Variants in FABP7 observed in about 807,000 individuals in gnomAD.
FABP7 encodes the protein fatty acid binding protein 7, also known as fatty acid-binding protein, brain.
Under a neutral mutation model 14.2 loss-of-function variants are expected in FABP7, and 13 were observed. The observed-to-expected ratio is 0.91, with a 90% CI of 0.59 to 1.45. FABP7 has a LOEUF of 1.45. Among genes scored for constraint, FABP7 ranks in the 40% most tolerant of loss-of-function variants. The pLI is 0.00. For synonymous variants in FABP7, 49 were observed against 51.4 expected, an observed-to-expected ratio of 0.95 and a Z score of 0.20; for missense variants, 149 against 157.6, an observed-to-expected ratio of 0.95 and a Z score of 0.29.
chr6:122,763,765 A>G, the FABP7 span, among the ~76,000 whole-genome samples: 1 of 152,242 alleles, frequency 6.6e-6, no homozygotes, highest in South Asian at 2.1e-4. Context: ...GAAGACATTT[A>G]TGCAGCCAAC....
chr6:122,753,476 G>T, the FABP7 span, among the ~76,000 whole-genome samples: 56,974 of 151,736 alleles, frequency 0.38, 11,019 homozygotes, highest in Non-Finnish European at 0.43. Context: ...CTTGGAGTCT[G>T]CCTCCTCCCC....
intron 3 of FABP7, 191 bp downstream of exon 3, chr6:122,781,385 T>C (rs1780780507): frequency 2.1e-6 from 3 of 1,442,888 alleles, no homozygotes; most frequent in Non-Finnish European, 2.8e-6. Flanking sequence ...AATTTTCTTC[T>C]TCAGCTCAAC....
intron 3 of FABP7, chr6:122,782,331 A>G (rs7752838): frequency 0.59 from 321,874 of 543,076 alleles, 96,304 homozygotes; most frequent in East Asian, 0.66. Flanking sequence ...TAGTGTTGCC[A>G]TCCTTCTGCG....
At chr6:122,776,551 T>C (rs1041920979), upstream of FABP7, among the ~76,000 whole-genome samples, 2 of 152,128 alleles carry the variant, frequency 1.3e-5, no homozygotes, top group Admixed American at 6.6e-5. Flanking sequence ...GAGGGAATGG[T>C]TAATGGGTAG....
At chr6:122,755,746 C>G in the FABP7 span, among the ~76,000 whole-genome samples, 1 of 152,024 alleles carries the variant, frequency 6.6e-6, no homozygotes, top group Non-Finnish European at 1.5e-5. Context: ...CATGAGCCAC[C>G]GCGCGTGGCC....
At chr6:122,764,372 A>T in the FABP7 span, among the ~76,000 whole-genome samples, 1 of 151,516 alleles carries the variant, frequency 6.6e-6, no homozygotes, top group African/African-American at 2.4e-5. Context: ...GGAACATCAC[A>T]CACCAGGGCC....
chr6:122,751,372 A>G, the FABP7 span, among the ~76,000 whole-genome samples: 3 of 152,134 alleles, frequency 2.0e-5, no homozygotes, highest in Non-Finnish European at 4.4e-5. Context: ...TGTTGTCCCT[A>G]TATTGCAGGT....
At chr6:122,760,065 C>A in the FABP7 span, among the ~76,000 whole-genome samples, 5 of 151,234 alleles carry the variant, frequency 3.3e-5, no homozygotes, top group African/African-American at 1.2e-4. Context: ...GTTGCCACTG[C>A]ACTCCAGTCT....
chr6:122,774,684 G>C, the FABP7 span, among the ~76,000 whole-genome samples: 1 of 151,644 alleles, frequency 6.6e-6, no homozygotes, highest in Non-Finnish European at 1.5e-5. Context: ...AAGAAATAAA[G>C]GGCATCCACA....
chr6:122,752,121 G>C, the FABP7 span, among the ~76,000 whole-genome samples: 2 of 148,390 alleles, frequency 1.3e-5, no homozygotes, highest in African/African-American at 5.0e-5. Flanking sequence ...ACCTCCCCTA[G>C]CAACTTTTCT....
chr6:122,775,088 G>T (rs1327633094), upstream of FABP7, among the ~76,000 whole-genome samples: 2 of 151,930 alleles, frequency 1.3e-5, no homozygotes, highest in East Asian at 1.9e-4. Flanking sequence ...TACCCAAAAT[G>T]ATCTACAGAT....
chr6:122,758,996 A>C, the FABP7 span, among the ~76,000 whole-genome samples: 7 of 152,220 alleles, frequency 4.6e-5, no homozygotes, highest in Non-Finnish European at 8.8e-5. Flanking sequence ...AGAGTTACTT[A>C]AAGAAACAAG....
At chr6:122,773,507 T>C in the FABP7 span, among the ~76,000 whole-genome samples, 1 of 152,214 alleles carries the variant, frequency 6.6e-6, no homozygotes, top group African/African-American at 2.4e-5. Flanking sequence ...TCTGACACCT[T>C]GCCCAGCATT....
At chr6:122,772,805 C>T in the FABP7 span, among the ~76,000 whole-genome samples, 1 of 152,176 alleles carries the variant, frequency 6.6e-6, no homozygotes. Context: ...TACCCCCACA[C>T]CTCTTCACAC....
At chr6:122,767,897 T>C in the FABP7 span, among the ~76,000 whole-genome samples, 2 of 151,916 alleles carry the variant, frequency 1.3e-5, no homozygotes, top group African/African-American at 4.8e-5. Context: ...ATTAATAAAT[T>C]TGGCAATATT....
At chr6:122,752,811 C>G in the FABP7 span, among the ~76,000 whole-genome samples, 1 of 152,140 alleles carries the variant, frequency 6.6e-6, no homozygotes, top group Non-Finnish European at 1.5e-5. Flanking sequence ...CATCTCTACC[C>G]CCTCTACATT....
At chr6:122,758,499 T>C in the FABP7 span, among the ~76,000 whole-genome samples, 42 of 152,236 alleles carry the variant, frequency 2.8e-4, no homozygotes, top group African/African-American at 8.7e-4. Flanking sequence ...ATAGGTGTTC[T>C]ATTCCTAGTG....
At chr6:122,758,469 A>G in the FABP7 span, among the ~76,000 whole-genome samples, 1 of 152,222 alleles carries the variant, frequency 6.6e-6, no homozygotes, top group Non-Finnish European at 1.5e-5. Flanking sequence ...GTACAGTCTA[A>G]CAACAAAAGA....
the FABP7 span, among the ~76,000 whole-genome samples, chr6:122,755,498 G>T: frequency 5.8e-5 from 8 of 137,760 alleles, no homozygotes; most frequent in Non-Finnish European, 1.1e-4. Flanking sequence ...TCGCTCTGTA[G>T]CCCAGGCTGG....
Sources: allele counts gnomAD v4.1 joint callset (sites outside exome capture counted in the v4.1 genomes callset), GRCh38; gene constraint gnomAD v4.1.1; transcripts MANE v1.5; gene names NCBI Gene and HGNC (gene_info 2026-07-23, HGNC 2026-07-21).